The following PDE4D variants were observed in gnomAD, a reference collection of about 807,000 sequenced individuals.
PDE4D encodes the protein phosphodiesterase 4D.
Under a neutral mutation model 87.4 loss-of-function variants are expected in PDE4D, and 24 were observed. That is an observed-to-expected ratio of 0.27 (90% CI 0.20 to 0.39). The LOEUF (loss-of-function observed/expected upper bound fraction) is 0.39. Ranked by LOEUF, PDE4D falls within the 10% of genes least tolerant of loss-of-function variation. PDE4D has a pLI of 1.00. For synonymous variants in PDE4D, 384 were observed against 383.2 expected (o/e 1.00, Z -0.02); for missense variants, 714 against 1,041.0 (o/e 0.69, Z 4.32).
At chr5:60,416,812 T>G (rs1216442334) in intron 1 of PDE4D, among the ~76,000 whole-genome samples, 1 of 152,210 alleles carries the variant, frequency 6.6e-6, no homozygotes, top group Non-Finnish European at 1.5e-5. Context: ...AAAAACAGCT[T>G]GGGAATCTGA....
At chr5:59,477,388 A>G (rs1306540339) in intron 1 of PDE4D, among the ~76,000 whole-genome samples, 2 of 151,032 alleles carry the variant, frequency 1.3e-5, no homozygotes, top group East Asian at 3.9e-4. Flanking sequence ...AAGAATCTCT[A>G]CAAAATATGC....
intron 1 of PDE4D, among the ~76,000 whole-genome samples, chr5:59,338,349 A>C (rs1358812249): frequency 6.6e-6 from 1 of 152,218 alleles, no homozygotes; most frequent in African/African-American, 2.4e-5. Flanking sequence ...AAGTTTCATT[A>C]GCGCAAAAGT....
chr5:59,057,294 T>A (rs1281792587), intron 5 of PDE4D, among the ~76,000 whole-genome samples: 2 of 152,136 alleles, frequency 1.3e-5, no homozygotes, highest in Non-Finnish European at 2.9e-5. Flanking sequence ...AGTAAGGCAG[T>A]CCTTGTTTCC....
intron 1 of PDE4D, among the ~76,000 whole-genome samples, chr5:60,194,499 G>T (rs1162508344): frequency 6.6e-6 from 1 of 151,440 alleles, no homozygotes; most frequent in Non-Finnish European, 1.5e-5. Context: ...ATCAAAATTA[G>T]CTAGGGAATG....
intron 1 of PDE4D, among the ~76,000 whole-genome samples, chr5:59,820,548 C>T (rs1561714671): frequency 6.6e-6 from 1 of 152,154 alleles, no homozygotes; most frequent in Non-Finnish European, 1.5e-5. Flanking sequence ...ATCCTTTTAC[C>T]CACATTCAGA....
At chr5:60,362,382 T>C (rs1240476002) in intron 1 of PDE4D, among the ~76,000 whole-genome samples, 1 of 152,218 alleles carries the variant, frequency 6.6e-6, no homozygotes, top group East Asian at 1.9e-4. Flanking sequence ...AAGGATTTCA[T>C]ATTTTTCCAT....
chr5:59,518,349 TG>T (rs1811553219), intron 1 of PDE4D, among the ~76,000 whole-genome samples: 1 of 152,138 alleles, frequency 6.6e-6, no homozygotes, highest in African/African-American at 2.4e-5. Flanking sequence ...TTTTACTGTC[TG>T]CACACTATTT....
At chr5:58,977,020 A>ATTTTC (rs1320844904) in intron 12 of PDE4D, among the ~76,000 whole-genome samples, 171 bp downstream of exon 12, 1 of 152,152 alleles carries the variant, frequency 6.6e-6, no homozygotes, top group East Asian at 1.9e-4. Flanking sequence ...AGAAGTGAAA[A>ATTTTC]ACCTATTACA....
intron 1 of PDE4D, among the ~76,000 whole-genome samples, chr5:60,229,974 T>C (rs1384180721): frequency 2.6e-5 from 4 of 152,118 alleles, no homozygotes; most frequent in African/African-American, 7.2e-5. Context: ...GAAGAAACTA[T>C]TTCTGCTGAA....
intron 5 of PDE4D, among the ~76,000 whole-genome samples, chr5:59,050,384 A>G (rs1020214010): frequency 6.6e-6 from 1 of 152,232 alleles, no homozygotes; most frequent in Admixed American, 6.5e-5. Context: ...ACAATTTTTA[A>G]TCTCATTACT....
rs373552374 is a variant in PDE4D, at chr5:60,217,543, TC to T, written c.-89-31857del. On this transcript the variant is annotated intron_variant, in intron 1 of 16. Coordinates refer to the PDE4D transcript ENST00000502484. ...AACACAACGCAAAAAGCATGAACAA[TC>T]ACAGAAAATAGTGATAAATTAGACT... Among the ~76,000 whole-genome samples the T allele has an allele frequency of 1.2e-4, 18 of 152,002 alleles. No homozygotes were observed. In the South Asian group the frequency reaches 2.5e-3, roughly 21 times the overall value.
chr5:60,082,924 T>C lies in PDE4D; in HGVS notation c.43-94207A>G, dbSNP rs1361225902. On this transcript the variant is annotated intron_variant, in intron 2 of 16. Coordinates refer to the PDE4D transcript ENST00000502484. Reference sequence around the variant, plus strand: ...GACTGACACCTTCTGATTTCTCAGGTCATAGCTAAAATATTTTCTTCTCAG... The same window carrying C: ...GACTGACACCTTCTGATTTCTCAGGCCATAGCTAAAATATTTTCTTCTCAG... 3.3e-5 allele frequency among the ~76,000 whole-genome samples: 5 copies of C among 152,240 alleles called. No individual in the cohort carries two copies. In the East Asian group the frequency reaches 7.7e-4, roughly 23 times the overall value.
intron 2 of PDE4D, among the ~76,000 whole-genome samples, chr5:60,031,564 C>T (rs537817199): frequency 3.3e-5 from 5 of 152,274 alleles, no homozygotes; most frequent in South Asian, 4.1e-4. Flanking sequence ...GAATCCAAAC[C>T]AAAGCAGATG....
At chr5:58,982,513 G>A (rs1462871464) in intron 11 of PDE4D, among the ~76,000 whole-genome samples, 2 of 152,150 alleles carry the variant, frequency 1.3e-5, no homozygotes, top group Non-Finnish European at 2.9e-5. Flanking sequence ...AAAACTGCAG[G>A]GAAGGCACAT....
At chr5:59,251,136 G>A (rs1365499955) in intron 1 of PDE4D, among the ~76,000 whole-genome samples, 4 of 152,078 alleles carry the variant, frequency 2.6e-5, no homozygotes, top group Non-Finnish European at 5.9e-5. Flanking sequence ...TCATGACAAA[G>A]ACACCAAAAG....
At chr5:59,160,481 T>C (rs1780901425) in intron 5 of PDE4D, among the ~76,000 whole-genome samples, 1 of 151,960 alleles carries the variant, frequency 6.6e-6, no homozygotes, top group Non-Finnish European at 1.5e-5. Context: ...CTTCATTAGC[T>C]GCATTAAAAA....
chr5:60,115,030 T>C (rs1778037848), intron 2 of PDE4D, among the ~76,000 whole-genome samples: 2 of 151,838 alleles, frequency 1.3e-5, no homozygotes, highest in African/African-American at 4.8e-5. Context: ...AGCCATTATA[T>C]AGAAAAAAAC....
At chr5:60,270,654 G>T (rs1213841787) in intron 1 of PDE4D, among the ~76,000 whole-genome samples, 1 of 152,122 alleles carries the variant, frequency 6.6e-6, no homozygotes, top group Non-Finnish European at 1.5e-5. Context: ...GAGGAAGTCA[G>T]CTAGAAAACT....
intron 1 of PDE4D, among the ~76,000 whole-genome samples, chr5:59,839,704 T>A (rs1742687083): frequency 6.6e-6 from 1 of 151,992 alleles, no homozygotes; most frequent in South Asian, 2.1e-4. Context: ...ATCCACCTAC[T>A]CTCTCTCTTT....
Sources: allele counts gnomAD v4.1 joint callset (sites outside exome capture counted in the v4.1 genomes callset), GRCh38; gene constraint gnomAD v4.1.1; transcripts MANE v1.5; gene names NCBI Gene and HGNC (gene_info 2026-07-23, HGNC 2026-07-21).